PDE10A: variants seen among roughly 807,000 people sequenced by gnomAD.
PDE10A encodes the protein phosphodiesterase 10A.
A neutral mutation model predicts 97.7 loss-of-function variants in PDE10A; 39 were observed. The ratio of observed to expected loss-of-function variants is 0.40; its 90% CI spans 0.31 to 0.52. The LOEUF (loss-of-function observed/expected upper bound fraction) is 0.52. Among genes scored for constraint, PDE10A ranks in the 20% least tolerant of loss-of-function variants. The probability of loss-of-function intolerance (pLI) is 0.56; values close to 1 mark genes in which losing one functional copy is unlikely to be tolerated. For synonymous variants in PDE10A, 371 were observed against 376.8 expected (o/e 0.98, Z 0.18); for missense variants, 731 against 1,047.8 (o/e 0.70, Z 4.17).
At chr6:165,622,542 A>T (rs1788194316) in intron 1 of PDE10A, among the ~76,000 whole-genome samples, 3 of 152,186 alleles carry the variant, frequency 2.0e-5, no homozygotes, top group Admixed American at 1.3e-4. Context: ...ATATCTAAAC[A>T]TAGGAAAGCT....
Position 165,466,874 on chromosome 6 carries a change from C to T in PDE10A, c.1023+15441G>A, listed in dbSNP as rs368188587. Among the ~76,000 whole-genome samples the T allele has an allele frequency of 1.8e-3, 280 of 152,232 alleles. 4 individuals are homozygous for T. The South Asian group carries it at 0.055, about 30-fold the overall frequency. On this transcript the variant is annotated intron_variant, in intron 3 of 21. Coordinates refer to ENST00000539869, the MANE Select transcript of PDE10A (RefSeq NM_001385079.1). ...ATAAGTAAACCTAGTGAGGAAGACACGTCAAAAGCCAAGACAGGCTGAGAA... is the reference window on the plus strand; with the variant it reads ...ATAAGTAAACCTAGTGAGGAAGACATGTCAAAAGCCAAGACAGGCTGAGAA...
intron 1 of PDE10A, among the ~76,000 whole-genome samples, chr6:165,638,695 G>C (rs1190826697): frequency 6.6e-6 from 1 of 152,146 alleles, no homozygotes; most frequent in Non-Finnish European, 1.5e-5. Flanking sequence ...ACTGGTAAAA[G>C]TTAAGTTCGT....
chr6:165,719,061 T>C lies in PDE10A; in HGVS notation c.-614-175493A>G, dbSNP rs898481971. 7.2e-5 allele frequency among the ~76,000 whole-genome samples: 11 copies of C among 151,956 alleles called. 1 individual carries two copies. The highest frequency in any genetic ancestry group is 2.7e-4 in the African/African-American group (11 of 41,374). On this transcript the variant is annotated intron_variant, in intron 1 of 19. Coordinates refer to the PDE10A transcript ENST00000366882. ...GAATATTACAAATTTTAAAAACCAA[T>C]AGTTGGAAGTATAAAATTGAAGAAA...
intron 13 of PDE10A, among the ~76,000 whole-genome samples, chr6:165,405,776 G>A (rs1787091829): frequency 6.6e-6 from 1 of 152,168 alleles, no homozygotes; most frequent in South Asian, 2.1e-4. Flanking sequence ...GGGAAAGAAT[G>A]ATTTGGAAGG....
chr6:165,663,315 T>A (rs1790392413), upstream of PDE10A, among the ~76,000 whole-genome samples: 1 of 151,846 alleles, frequency 6.6e-6, no homozygotes, highest in Non-Finnish European at 1.5e-5. Flanking sequence ...CCCGCGGGAC[T>A]CGGCCCCTGC....
intron 5 of PDE10A, 44 bp from the exon 6 acceptor site, chr6:165,435,421 G>A (rs1285224937): frequency 1.3e-6 from 2 of 1,553,288 alleles, no homozygotes; most frequent in Non-Finnish European, 8.8e-7. Context: ...CTGTACATGT[G>A]CATAGTACAA....
intron 1 of PDE10A, among the ~76,000 whole-genome samples, chr6:165,908,633 C>G (rs192629558): frequency 2.2e-4 from 34 of 152,306 alleles, no homozygotes; most frequent in Admixed American, 7.2e-4. Flanking sequence ...GTTGTATTGT[C>G]AGAGGAGTGG....
At chr6:165,589,649 A>C (rs1786131417) in intron 1 of PDE10A, among the ~76,000 whole-genome samples, 1 of 152,160 alleles carries the variant, frequency 6.6e-6, no homozygotes, top group African/African-American at 2.4e-5. Flanking sequence ...TTTTGAATGG[A>C]TGGAAAGAAG....
At chr6:165,821,642 C>T (rs1022874299) in intron 1 of PDE10A, among the ~76,000 whole-genome samples, 5 of 152,054 alleles carry the variant, frequency 3.3e-5, no homozygotes, top group Non-Finnish European at 2.9e-5. Flanking sequence ...TCTCAGCCTC[C>T]CGAGTAGCTG....
chr6:165,692,172 C>T (rs4130324), intron 1 of PDE10A, among the ~76,000 whole-genome samples: 21,891 of 152,098 alleles, frequency 0.14, 3,113 homozygotes, highest in African/African-American at 0.36. Flanking sequence ...AGGGTGGGGA[C>T]GCCACAGGAA....
At chr6:165,704,845 T>C (rs1210483037) in intron 1 of PDE10A, among the ~76,000 whole-genome samples, 1 of 152,202 alleles carries the variant, frequency 6.6e-6, no homozygotes. Context: ...GGGAAAGGCG[T>C]ACTTAGACAA....
rs1467186494 is a variant in PDE10A at position 165,946,550 on chromosome 6, T to TA, written c.-615+40978dup. 2.0e-5 allele frequency among the ~76,000 whole-genome samples: 3 copies of TA among 149,844 alleles called. No homozygotes were observed. The East Asian group carries it at 6.4e-4, about 32-fold the overall frequency. On this transcript the variant is annotated intron_variant, in intron 1 of 19. Coordinates refer to the PDE10A transcript ENST00000366882. ...AGGAAAAAAGAATATATTGCCTTCT[T>TA]AAAAAATGCTAAGAGTAGAATTTAA... is the stretch of plus-strand genomic sequence containing the variant.
intron 1 of PDE10A, among the ~76,000 whole-genome samples, chr6:165,691,094 TCTCTTTCTCTCTCC>T (rs1257805976): frequency 1.8e-4 from 7 of 38,728 alleles, no homozygotes; most frequent in African/African-American, 7.1e-4. Context: ...TCTCTCTCTC[TCTCTTTCTCTCTCC>T]CCCCCCCCAT....
At chr6:165,961,657 C>T (rs566625469) in intron 1 of PDE10A, among the ~76,000 whole-genome samples, 12 of 152,188 alleles carry the variant, frequency 7.9e-5, no homozygotes, top group Non-Finnish European at 1.8e-4. Context: ...GAACTCATGG[C>T]CCCTCCAAAC....
At chr6:165,925,468 T>A (rs905254197) in intron 1 of PDE10A, among the ~76,000 whole-genome samples, 1 of 152,090 alleles carries the variant, frequency 6.6e-6, no homozygotes, top group African/African-American at 2.4e-5. Context: ...CTTGTAATAA[T>A]AAAAAAACAC....
chr6:165,451,738 A>T (rs1791305861), intron 3 of PDE10A, among the ~76,000 whole-genome samples: 1 of 152,228 alleles, frequency 6.6e-6, no homozygotes, highest in East Asian at 1.9e-4. Flanking sequence ...GACCATCCTG[A>T]CAATGCACTA....
At chr6:165,966,971 T>G (rs1784528935) in intron 1 of PDE10A, among the ~76,000 whole-genome samples, 1 of 152,190 alleles carries the variant, frequency 6.6e-6, no homozygotes, top group South Asian at 2.1e-4. Context: ...ATACACTATG[T>G]TGTTGCTATA....
chr6:165,488,858 G>A (rs1378356654), intron 2 of PDE10A, among the ~76,000 whole-genome samples: 1 of 152,004 alleles, frequency 6.6e-6, no homozygotes, highest in Non-Finnish European at 1.5e-5. Flanking sequence ...AGGCCCCCTG[G>A]GAACGTAACT....
intron 1 of PDE10A, among the ~76,000 whole-genome samples, chr6:165,623,077 C>T (rs1788220981): frequency 6.6e-6 from 1 of 152,164 alleles, no homozygotes; most frequent in Admixed American, 6.5e-5. Flanking sequence ...CATCATGTGT[C>T]CTGTACAGTC....
Sources: gnomAD v4.1 joint callset for allele counts (sites outside exome capture counted in the v4.1 genomes callset) on GRCh38, gnomAD v4.1.1 for gene constraint, MANE v1.5 for transcripts, NCBI Gene and HGNC (gene_info 2026-07-23, HGNC 2026-07-21) for gene names.